Variants in CGRRF1 observed in about 807,000 individuals in gnomAD.
CGRRF1 encodes cell growth regulator with ring finger domain 1, also known as cell growth regulator with RING finger domain protein 1.
In CGRRF1, 32 loss-of-function variants were observed where a neutral mutation model predicts 37.2. The ratio of observed to expected loss-of-function variants is 0.86; its 90% CI spans 0.65 to 1.16. The LOEUF (loss-of-function observed/expected upper bound fraction) is 1.16, where lower values mean the gene tolerates loss of function less well. Among genes scored for constraint, CGRRF1 ranks in the 50% most tolerant of loss-of-function variants. CGRRF1 has a pLI of 0.00. For missense variants in CGRRF1, 391 were observed against 382.6 expected (o/e 1.02, Z -0.18); for synonymous variants, 141 against 140.3 (o/e 1.00, Z -0.04).
rs541664124 is a variant in CGRRF1 at position 54,521,074 on chromosome 14, C to G, written c.105-1380C>G. ...AGCCCCTTTCATTTTCCTTTTAATT[C>G]TGTTCCATGGGCATTGTCAGAGTTT... On this transcript the variant is annotated intron_variant, in intron 1 of 5. Transcript: ENST00000216420. Among the ~76,000 whole-genome samples, 5 of 152,098 alleles carry G rather than the reference C, an allele frequency of 3.3e-5. No individual in the cohort carries two copies. In the South Asian group the frequency reaches 1.0e-3, roughly 32 times the overall value.
At chr14:54,537,889 G>A (rs915032916) in intron 5 of CGRRF1, 60 bp downstream of exon 5, 7 of 1,552,066 alleles carry the variant, frequency 4.5e-6, no homozygotes, top group Non-Finnish European at 6.0e-6. Flanking sequence ...TCAAAGAATG[G>A]CCATTTATGG....
chr14:54,520,265 C>A (rs1340632060), intron 1 of CGRRF1, among the ~76,000 whole-genome samples: 1 of 151,876 alleles, frequency 6.6e-6, no homozygotes, highest in Non-Finnish European at 1.5e-5. Flanking sequence ...CCCACCACCA[C>A]GCCTGGCTAA....
chr14:54,528,778 T>A (rs1181099008), intron 2 of CGRRF1, among the ~76,000 whole-genome samples: 1 of 152,206 alleles, frequency 6.6e-6, no homozygotes, highest in East Asian at 1.9e-4. Flanking sequence ...CCTGCTCCAA[T>A]TAACCTATGC....
At chr14:54,512,105 A>C (rs2032139156) in intron 1 of CGRRF1, among the ~76,000 whole-genome samples, 1 of 152,222 alleles carries the variant, frequency 6.6e-6, no homozygotes, top group African/African-American at 2.4e-5. Flanking sequence ...TAAACTAGTT[A>C]ATACGCATGT....
In CGRRF1 at chr14:54,530,914, A is replaced by T. The variant is rs2032503163; in HGVS notation, c.434A>T (p.Asp145Val). ...LYQEQYFIKK[D>V]SKEEIYCQLP... ...ACATTTTCAAAAAGTATTAAAAAGG[A>T]TAGCAAAGAAGAAATATATTGCCAG... Residue 145 changes from aspartate (D) to valine (V), a missense_variant, in exon 4 of 6, where the codon GAT becomes GTT. Asp to Val is a radical substitution (Grantham distance 152). Coordinates refer to ENST00000216420, the MANE Select transcript of CGRRF1 (RefSeq NM_006568.3). 6.3e-7 allele frequency: 1 copy of T among 1,592,090 alleles called. No individual in the cohort carries two copies. The highest frequency in any genetic ancestry group is 8.6e-7 in the Non-Finnish European group (1 of 1,160,790).
chr14:54,511,538 A>G (rs1350507845), intron 1 of CGRRF1, among the ~76,000 whole-genome samples: 1 of 152,262 alleles, frequency 6.6e-6, no homozygotes, highest in Admixed American at 6.5e-5. Context: ...ACTAAGGAAA[A>G]TAGTAACTAG....
At chr14:54,534,924 G>A (rs1354337244) in intron 4 of CGRRF1, among the ~76,000 whole-genome samples, 2 of 152,106 alleles carry the variant, frequency 1.3e-5, no homozygotes, top group African/African-American at 4.8e-5. Flanking sequence ...TTACTGTGTT[G>A]CCCTGGCTGG....
chr14:54,519,808 TA>T (rs1213746580), intron 1 of CGRRF1, among the ~76,000 whole-genome samples: 2 of 152,216 alleles, frequency 1.3e-5, no homozygotes, highest in Non-Finnish European at 2.9e-5. Context: ...CATTTTATTA[TA>T]AAAATTTTCA....
chr14:54,513,409 T>G (rs1319265236), intron 1 of CGRRF1, among the ~76,000 whole-genome samples: 1 of 152,224 alleles, frequency 6.6e-6, no homozygotes, highest in Non-Finnish European at 1.5e-5. Context: ...AGATAGGTGC[T>G]TCTTTGTTCA....
chr14:54,511,912 A>C (rs570124651), intron 1 of CGRRF1, among the ~76,000 whole-genome samples: 10 of 152,218 alleles, frequency 6.6e-5, no homozygotes, highest in Admixed American at 1.3e-4. Context: ...TCTTGTGCCT[A>C]ACCCAACCAT....
At position 54,537,752 on chromosome 14, in the gene CGRRF1, G is replaced by T. The variant is rs1566514412; in HGVS notation, c.601G>T (p.Asp201Tyr). The change falls in exon 5 of 6, where the codon GAT becomes TAT. Residue 201 changes from aspartate (D) to tyrosine (Y), a missense_variant. Asp to Tyr is a radical substitution (Grantham distance 160, BLOSUM62 -3). Coordinates refer to ENST00000216420, the MANE Select transcript of CGRRF1 (RefSeq NM_006568.3). ...ISMVSVIHIP[D>Y]RTYKLSCRIL... ...CATGGTGTCAGTGATTCATATTCCT[G>T]ATAGGACTTATAAACTATCCTGCAG... 1.3e-6 allele frequency: 2 copies of T among 1,588,652 alleles called. No individual in the cohort carries two copies. The highest frequency in any genetic ancestry group is 1.7e-6 in the Non-Finnish European group (2 of 1,172,166).
At chr14:54,515,348 T>G (rs1394839674) in intron 1 of CGRRF1, among the ~76,000 whole-genome samples, 1 of 152,036 alleles carries the variant, frequency 6.6e-6, no homozygotes, top group Non-Finnish European at 1.5e-5. Context: ...CGCGATGACC[T>G]CCCGAAGTGC....
At chr14:54,520,573 C>T (rs1189221430) in intron 1 of CGRRF1, among the ~76,000 whole-genome samples, 5 of 152,220 alleles carry the variant, frequency 3.3e-5, no homozygotes, top group African/African-American at 7.2e-5. Flanking sequence ...CCTGTACTTC[C>T]GGAAGCAACC....
chr14:54,509,950 C>G lies in CGRRF1; in HGVS notation c.-10C>G, dbSNP rs759894263. 6.2e-6 allele frequency: 10 copies of G among 1,602,370 alleles called. No homozygotes were observed. Among genetic ancestry groups the G allele is most frequent in the Non-Finnish European group, 8.6e-6 (10 of 1,169,524 alleles). ...GGCTGGAGCCGGGCTCTACCCAGAG[C>G]AAGACCCTGATGGCTGCGGTGTTTC... is the stretch of plus-strand genomic sequence containing the variant. On this transcript the variant is annotated 5_prime_UTR_variant, in exon 1 of 6. Transcript: ENST00000216420.
intron 1 of CGRRF1, among the ~76,000 whole-genome samples, chr14:54,511,435 G>A (rs1333416123): frequency 6.6e-6 from 1 of 152,214 alleles, no homozygotes; most frequent in Non-Finnish European, 1.5e-5. Context: ...AATGAGGAAG[G>A]TGTTGCCCAT....
intron 2 of CGRRF1, among the ~76,000 whole-genome samples, chr14:54,527,260 G>A (rs1249169557): frequency 1.3e-5 from 2 of 152,056 alleles, no homozygotes; most frequent in Non-Finnish European, 2.9e-5. Context: ...GTTTTGATGG[G>A]GGTACTGACA....
intron 3 of CGRRF1, 146 bp from the exon 4 acceptor site, chr14:54,530,757 A>G (rs1355558474): frequency 7.9e-6 from 7 of 883,730 alleles, no homozygotes; most frequent in Non-Finnish European, 1.2e-5. Flanking sequence ...TATCAGGAAC[A>G]GTATTTGTAT....
Position 54,523,405 on chromosome 14 carries a change from G to T in CGRRF1, c.244+812G>T, listed in dbSNP as rs989528584. ...TGCTTGGAAAAATAAGTTGTCTGCAGGACCATATAGGAACCATTAGAATTG... is the reference window on the plus strand; with the variant it reads ...TGCTTGGAAAAATAAGTTGTCTGCATGACCATATAGGAACCATTAGAATTG... On this transcript the variant is annotated intron_variant, in intron 2 of 5. Transcript: ENST00000216420. Among the ~76,000 whole-genome samples, 4 of 152,260 alleles carry T rather than the reference G, an allele frequency of 2.6e-5. No individual in the cohort carries two copies. In the South Asian group the frequency reaches 8.3e-4, roughly 32 times the overall value.
intron 3 of CGRRF1, 38 bp from the exon 4 acceptor site, chr14:54,530,865 T>C (rs764923004): frequency 5.4e-6 from 8 of 1,477,488 alleles, no homozygotes; most frequent in Non-Finnish European, 4.7e-6. Context: ...TTTGTTCTTA[T>C]GGTTATAGTG....
Sources: gnomAD v4.1 joint callset for allele counts (sites outside exome capture counted in the v4.1 genomes callset) on GRCh38, gnomAD v4.1.1 for gene constraint, MANE v1.5 for transcripts, NCBI Gene and HGNC (gene_info 2026-07-23, HGNC 2026-07-21) for gene names.